The following CHST11 variants were observed in gnomAD, a reference collection of about 807,000 sequenced individuals.
CHST11 encodes the protein carbohydrate sulfotransferase 11.
A neutral mutation model predicts 30.4 loss-of-function variants in CHST11; 9 were observed. The ratio of observed to expected loss-of-function variants is 0.30; its 90% CI spans 0.18 to 0.52. CHST11 has a LOEUF of 0.52. Ranked by LOEUF, CHST11 falls within the 20% of genes least tolerant of loss-of-function variation. The pLI is 0.97. For synonymous variants in CHST11, 152 were observed against 187.8 expected (o/e 0.81, Z 1.56); for missense variants, 348 against 460.6 (o/e 0.76, Z 2.24).
At chr12:104,723,008 G>T (rs923923449) in intron 2 of CHST11, among the ~76,000 whole-genome samples, 3 of 152,076 alleles carry the variant, frequency 2.0e-5, no homozygotes, top group Admixed American at 2.0e-4. Flanking sequence ...GGGTGGTGCT[G>T]GCGTGCCCTG....
chr12:104,478,839 A>T (rs1005222142), intron 1 of CHST11, among the ~76,000 whole-genome samples: 1 of 152,192 alleles, frequency 6.6e-6, no homozygotes, highest in African/African-American at 2.4e-5. Flanking sequence ...GACTGGAACC[A>T]TCTAGTCTCT....
intron 2 of CHST11, among the ~76,000 whole-genome samples, chr12:104,749,365 A>C (rs573140988): frequency 1.9e-4 from 29 of 152,348 alleles, no homozygotes; most frequent in African/African-American, 7.0e-4. Flanking sequence ...CAGCCAATTG[A>C]GATTCTAAAT....
intron 1 of CHST11, among the ~76,000 whole-genome samples, chr12:104,575,430 C>G (rs569547058): frequency 6.6e-6 from 1 of 152,046 alleles, no homozygotes; most frequent in Admixed American, 6.5e-5. Context: ...CAGGTGGGGA[C>G]AGTGCTCTGA....
At chr12:104,704,164 G>C (rs568124239) in intron 2 of CHST11, among the ~76,000 whole-genome samples, 5 of 152,322 alleles carry the variant, frequency 3.3e-5, no homozygotes, top group African/African-American at 9.6e-5. Flanking sequence ...CAGTGTGAGA[G>C]AAAGGTGACA....
intron 1 of CHST11, among the ~76,000 whole-genome samples, chr12:104,579,537 C>T (rs1024600616): frequency 1.3e-5 from 2 of 152,142 alleles, no homozygotes; most frequent in Non-Finnish European, 2.9e-5. Context: ...AACAGGCATT[C>T]GTTATTATCA....
chr12:104,723,180 C>A (rs190977841), intron 2 of CHST11, among the ~76,000 whole-genome samples: 1 of 152,142 alleles, frequency 6.6e-6, no homozygotes, highest in Non-Finnish European at 1.5e-5. Context: ...ATGACAACAA[C>A]GGCAGCTGGG....
At chr12:104,700,892 C>T (rs187982217) in intron 2 of CHST11, among the ~76,000 whole-genome samples, 31 of 152,212 alleles carry the variant, frequency 2.0e-4, no homozygotes, top group South Asian at 4.1e-4. Context: ...AGGTGGATCA[C>T]GAGGTCAGGA....
intron 1 of CHST11, among the ~76,000 whole-genome samples, chr12:104,590,280 A>C (rs1303145407): frequency 2.6e-5 from 4 of 152,192 alleles, no homozygotes; most frequent in African/African-American, 9.6e-5. Context: ...TCAAGCTTGA[A>C]GCTTCCCAGG....
At chr12:104,488,737 ACGCG>A (rs1457425610) in intron 1 of CHST11, among the ~76,000 whole-genome samples, 2 of 80,354 alleles carry the variant, frequency 2.5e-5, no homozygotes, top group East Asian at 5.7e-4. Context: ...GTGTATGTGT[ACGCG>A]TGTGTGTGTG....
intron 2 of CHST11, among the ~76,000 whole-genome samples, chr12:104,627,219 AGTTT>A (rs1347729363): frequency 6.6e-6 from 1 of 152,140 alleles, no homozygotes; most frequent in Admixed American, 6.5e-5. Flanking sequence ...GATGGAACAC[AGTTT>A]GTTTATCCAG....
chr12:104,472,141 CT>C (rs554866671), intron 1 of CHST11, among the ~76,000 whole-genome samples: 14,682 of 139,286 alleles, frequency 0.11, 871 homozygotes, highest in East Asian at 0.25. Flanking sequence ...TTTTTTTTTT[CT>C]TTTTTTTTTT....
intron 1 of CHST11, among the ~76,000 whole-genome samples, chr12:104,466,849 G>A (rs10778335): frequency 0.12 from 18,038 of 152,154 alleles, 1,523 homozygotes; most frequent in African/African-American, 0.22. Context: ...CCCCTATGTC[G>A]TTATCTGTTG....
At chr12:104,490,631 T>G (rs1462822014) in intron 1 of CHST11, among the ~76,000 whole-genome samples, 1 of 152,212 alleles carries the variant, frequency 6.6e-6, no homozygotes, top group Non-Finnish European at 1.5e-5. Context: ...ATGCTGCATT[T>G]TTATTCTGTG....
In CHST11 at chr12:104,543,644, T is replaced by C. The variant is rs1268060420; in HGVS notation, c.119-58262T>C. Among the ~76,000 whole-genome samples, 11 of 152,184 alleles carry C rather than the reference T, an allele frequency of 7.2e-5. 1 individual carries two copies. Among genetic ancestry groups the C allele is most frequent in the African/African-American group, 2.7e-4 (11 of 41,426 alleles). ...GAAATTAATGCATTTGGTTGGATCC[T>C]GCCTGATGTACTTTATCTATCAGTG... On this transcript the variant is annotated intron_variant, in intron 1 of 2. Transcript: ENST00000303694.
chr12:104,569,580 G>A (rs1565990569), intron 1 of CHST11, among the ~76,000 whole-genome samples: 1 of 152,150 alleles, frequency 6.6e-6, no homozygotes, highest in Non-Finnish European at 1.5e-5. Context: ...AGACCTATTG[G>A]ATTGATCAGC....
In CHST11 at chr12:104,619,255, C is replaced by T. The variant is rs889866923; in HGVS notation, c.204+17264C>T. On this transcript the variant is annotated intron_variant, in intron 2 of 2. Coordinates refer to ENST00000303694, the MANE Select transcript of CHST11 (RefSeq NM_018413.6). ...CTTCTCCTAGAAACTCACTCAGACC[C>T]CTCCTGAGTCAGACAGAGCATCCCT... 2.6e-5 allele frequency among the ~76,000 whole-genome samples: 4 copies of T among 152,368 alleles called. 1 individual carries two copies. Among genetic ancestry groups the T allele is most frequent in the East Asian group, 1.9e-4 (1 of 5,186 alleles).
intron 1 of CHST11, among the ~76,000 whole-genome samples, chr12:104,579,972 A>G (rs1242780359): frequency 6.6e-6 from 1 of 152,232 alleles, no homozygotes; most frequent in East Asian, 1.9e-4. Context: ...ACACAGAATC[A>G]TTGCTTATAA....
At chr12:104,595,295 AC>A (rs943368585) in intron 1 of CHST11, among the ~76,000 whole-genome samples, 2 of 152,248 alleles carry the variant, frequency 1.3e-5, no homozygotes, top group Admixed American at 6.5e-5. Context: ...GGGTTTTAAA[AC>A]CCTGGTGGAT....
chr12:104,684,912 C>T (rs1354784379), intron 2 of CHST11, among the ~76,000 whole-genome samples: 1 of 152,206 alleles, frequency 6.6e-6, no homozygotes, highest in Non-Finnish European at 1.5e-5. Context: ...TTCTATGCAA[C>T]CTCTTCCCTC....
Sources: allele counts gnomAD v4.1 joint callset (sites outside exome capture counted in the v4.1 genomes callset), GRCh38; gene constraint gnomAD v4.1.1; transcripts MANE v1.5; gene names NCBI Gene and HGNC (gene_info 2026-07-23, HGNC 2026-07-21).